Variants in SSPN observed in about 807,000 individuals in gnomAD.
The protein encoded by SSPN is sarcospan, also known as K-ras oncogene-associated protein.
Under a neutral mutation model 19.1 loss-of-function variants are expected in SSPN, and 15 were observed. The observed-to-expected ratio is 0.78, with a 90% CI of 0.52 to 1.21. SSPN has a LOEUF of 1.21. Ranked by LOEUF, SSPN falls within the 50% of genes most tolerant of loss-of-function variation. The probability of loss-of-function intolerance (pLI) is 0.00; values close to 1 mark genes in which losing one functional copy is unlikely to be tolerated. For synonymous variants in SSPN, 147 were observed against 140.3 expected (o/e 1.05, Z -0.34); for missense variants, 291 against 314.0 (o/e 0.93, Z 0.55).
intron 1 of SSPN, among the ~76,000 whole-genome samples, chr12:26,151,936 C>G (rs1944528267): frequency 6.6e-6 from 1 of 152,258 alleles, no homozygotes; most frequent in Admixed American, 6.5e-5. Context: ...TGCTTAGTCC[C>G]TAGATTGAAA....
chr12:26,138,631 CAT>C (rs1944442020), intron 1 of SSPN, among the ~76,000 whole-genome samples: 1 of 150,256 alleles, frequency 6.7e-6, no homozygotes, highest in Non-Finnish European at 1.5e-5. Context: ...TAAATAGCCA[CAT>C]GTTAGTGACT....
At chr12:26,190,595 A>C (rs1552041), upstream of SSPN, among the ~76,000 whole-genome samples, 38,278 of 151,976 alleles carry the variant, frequency 0.25, 6,197 homozygotes, top group African/African-American at 0.46. Context: ...AAATCACTGA[A>C]TGTTGGGGTG....
chr12:26,198,022 G>C (rs943903721), intron 1 of SSPN, among the ~76,000 whole-genome samples: 2 of 152,178 alleles, frequency 1.3e-5, no homozygotes, highest in Non-Finnish European at 2.9e-5. Context: ...TCACTACTCT[G>C]TCTGTGGTTG....
chr12:26,206,522 A>G (rs10732542), intron 1 of SSPN, among the ~76,000 whole-genome samples: 151,490 of 152,284 alleles, frequency 0.99, 75,351 homozygotes, highest in Middle Eastern at 1. Context: ...GGAGTTTAAT[A>G]TAGAATTATC....
At chr12:26,184,817 T>A (rs1481499546) in intron 1 of SSPN, among the ~76,000 whole-genome samples, 1 of 152,136 alleles carries the variant, frequency 6.6e-6, no homozygotes, top group Non-Finnish European at 1.5e-5. Context: ...ACTAAGGGGT[T>A]TTTTTTACAT....
At position 26,149,141 on chromosome 12, in the gene SSPN, G is replaced by C. The variant is rs574176821; in HGVS notation, c.-31+26989G>C. On this transcript the variant is annotated intron_variant, in intron 1 of 2. Transcript: ENST00000538142. ...CTTACTCCCTTTACCTGATGCAATA[G>C]ATTTGATGAAGTTTCTATATTCCAA... Among the ~76,000 whole-genome samples, 8 of 152,306 alleles carry C rather than the reference G, an allele frequency of 5.3e-5. No homozygotes were observed. In the East Asian group the frequency reaches 1.5e-3, roughly 29 times the overall value.
intron 1 of SSPN, among the ~76,000 whole-genome samples, chr12:26,148,483 C>T (rs977409895): frequency 1.1e-4 from 17 of 152,162 alleles, no homozygotes; most frequent in African/African-American, 2.2e-4. Context: ...TGATAAAGAA[C>T]GGGCCAACAT....
At chr12:26,151,725 A>G (rs1480539750) in intron 1 of SSPN, among the ~76,000 whole-genome samples, 3 of 152,206 alleles carry the variant, frequency 2.0e-5, no homozygotes, top group Non-Finnish European at 4.4e-5. Flanking sequence ...AGGAGGATCT[A>G]GTACAAATTT....
chr12:26,187,136 T>C (rs892898789), intron 1 of SSPN, among the ~76,000 whole-genome samples: 2 of 152,252 alleles, frequency 1.3e-5, no homozygotes, highest in Non-Finnish European at 2.9e-5. Flanking sequence ...GGAAGGGTTC[T>C]GATTCATCCT....
At chr12:26,164,863 C>T (rs1448580674) in intron 1 of SSPN, among the ~76,000 whole-genome samples, 3 of 152,188 alleles carry the variant, frequency 2.0e-5, no homozygotes, top group Non-Finnish European at 2.9e-5. Context: ...ACTGAACCCA[C>T]GTCTGTAAAG....
intron 1 of SSPN, among the ~76,000 whole-genome samples, chr12:26,137,897 C>T (rs1944438059): frequency 6.6e-6 from 1 of 151,442 alleles, no homozygotes; most frequent in South Asian, 2.1e-4. Context: ...AACTCCTGTC[C>T]TCAAGTGACC....
chr12:26,212,121 A>C (rs989745222), intron 1 of SSPN, among the ~76,000 whole-genome samples: 10 of 152,320 alleles, frequency 6.6e-5, no homozygotes, highest in African/African-American at 1.9e-4. Flanking sequence ...TAAATTTAAC[A>C]AAGTTGTAGG....
chr12:26,176,726 G>A (rs183401031), intron 1 of SSPN, among the ~76,000 whole-genome samples: 10 of 152,244 alleles, frequency 6.6e-5, no homozygotes, highest in East Asian at 3.9e-4. Context: ...TGGGAACATC[G>A]TCTCCCCCAG....
At chr12:26,216,330 A>G (rs1416708359) in intron 1 of SSPN, among the ~76,000 whole-genome samples, 2 of 152,126 alleles carry the variant, frequency 1.3e-5, no homozygotes, top group African/African-American at 4.8e-5. Flanking sequence ...GTCAGTGATG[A>G]TGAGCATTTT....
intron 1 of SSPN, among the ~76,000 whole-genome samples, chr12:26,171,008 T>A (rs1178258102): frequency 2.6e-5 from 4 of 152,164 alleles, no homozygotes; most frequent in Non-Finnish European, 5.9e-5. Context: ...TTAGAGAGAT[T>A]AAGTAAATTG....
chr12:26,232,519 G>T lies in SSPN; in HGVS notation c.*1443G>T, dbSNP rs545839007. ...TTAAGATAATAATTGAGTTCAATTC[G>T]CCTCTCCGCATTGCCTATTGATACA... is the stretch of plus-strand genomic sequence containing the variant. On this transcript the variant is annotated 3_prime_UTR_variant, in exon 3 of 3. Coordinates refer to ENST00000242729, the MANE Select transcript of SSPN (RefSeq NM_005086.5). 2.0e-6 allele frequency: 2 copies of T among 985,140 alleles called. 1 individual carries two copies. The highest frequency in any genetic ancestry group is 1.2e-4 in the Admixed American group (2 of 16,240). The allele number at this position is 985,140 out of a possible 1,614,324, so 61.0% of individuals were successfully genotyped here. A position where few individuals can be genotyped will look rare whatever the true frequency, so the allele number is the denominator to read the frequency against.
chr12:26,221,763 T>C (rs1474108115), intron 1 of SSPN, among the ~76,000 whole-genome samples: 2 of 152,206 alleles, frequency 1.3e-5, no homozygotes, highest in Non-Finnish European at 2.9e-5. Flanking sequence ...AGAAGGCAGT[T>C]ACGTGGGAGA....
chr12:26,129,253 C>T (rs1336728769), intron 1 of SSPN, among the ~76,000 whole-genome samples: 1 of 152,148 alleles, frequency 6.6e-6, no homozygotes, highest in African/African-American at 2.4e-5. Context: ...TTTTACAGAG[C>T]GGACAAGAAT....
rs1591851374 is a variant in SSPN at position 26,151,797 on chromosome 12, T to C, written c.-31+29645T>C. Among the ~76,000 whole-genome samples, 5 of 152,128 alleles carry C rather than the reference T, an allele frequency of 3.3e-5. No individual in the cohort carries two copies. The South Asian group carries it at 1.0e-3, about 32-fold the overall frequency. On this transcript the variant is annotated intron_variant, in intron 1 of 2. Transcript: ENST00000538142. ...GCCACATGTGGAGAAAAAAAATATA[T>C]CTTAAAATTTTGTCCATACCTGGTC... is the stretch of plus-strand genomic sequence containing the variant.
Sources: allele counts gnomAD v4.1 joint callset (sites outside exome capture counted in the v4.1 genomes callset), GRCh38; gene constraint gnomAD v4.1.1; transcripts MANE v1.5; gene names NCBI Gene and HGNC (gene_info 2026-07-23, HGNC 2026-07-21).